The following GNG4 variants were observed in gnomAD, a reference collection of about 807,000 sequenced individuals.
GNG4 encodes G protein subunit gamma 4.
Under a neutral mutation model 5.8 loss-of-function variants are expected in GNG4, and 4 were observed. The ratio of observed to expected loss-of-function variants is 0.69; its 90% CI spans 0.34 to 1.57. The LOEUF (loss-of-function observed/expected upper bound fraction) is 1.57, where lower values mean the gene tolerates loss of function less well. GNG4 is among the 40% of genes most tolerant of loss of function. The pLI, the probability that GNG4 is intolerant of heterozygous loss-of-function variation, is 0.06. For missense variants in GNG4, 96 were observed against 95.1 expected (o/e 1.01, Z -0.04); for synonymous variants, 29 against 32.9 (o/e 0.88, Z 0.41).
chr1:235,551,973 A>T lies in GNG4; in HGVS notation c.*136T>A, dbSNP rs753738752. On this transcript the variant is annotated 3_prime_UTR_variant, in exon 4 of 4. Transcript: ENST00000391854. ...GAATGCCACGAAGAAAACAGATGGA[A>T]ACATAAGACAAGCCCCGGCCACTGT... The T allele has an allele frequency of 1.6e-6, 1 of 633,146 alleles. No homozygotes were observed. The highest frequency in any genetic ancestry group is 2.8e-6 in the Non-Finnish European group (1 of 361,792). The allele number at this position is 633,146 out of a possible 1,614,324, so 39.2% of individuals were successfully genotyped here.
At chr1:235,650,250 G>A (rs1235860322), upstream of GNG4, among the ~76,000 whole-genome samples, 2 of 20,960 alleles carry the variant, frequency 9.5e-5, 1 homozygote, top group South Asian at 2.6e-3. Flanking sequence ...GGGGCCGGGG[G>A]GTAAATCACT....
chr1:235,559,663 T>A (rs1348261765), intron 3 of GNG4, among the ~76,000 whole-genome samples: 1 of 152,184 alleles, frequency 6.6e-6, no homozygotes, highest in Non-Finnish European at 1.5e-5. Flanking sequence ...TGGGTTAGGT[T>A]ATACCTGAAG....
At chr1:235,596,714 A>G (rs979825789) in intron 1 of GNG4, among the ~76,000 whole-genome samples, 4 of 151,994 alleles carry the variant, frequency 2.6e-5, no homozygotes, top group Non-Finnish European at 5.9e-5. Flanking sequence ...AGACGACTCG[A>G]AAGCTCTTTT....
At chr1:235,595,097 G>C (rs1688093596) in intron 2 of GNG4, among the ~76,000 whole-genome samples, 1 of 152,188 alleles carries the variant, frequency 6.6e-6, no homozygotes, top group Non-Finnish European at 1.5e-5. Context: ...CGGTTCCCCA[G>C]CCAAGGCCCA....
At chr1:235,560,931 CATG>C (rs1379294071) in intron 3 of GNG4, among the ~76,000 whole-genome samples, 2 of 152,164 alleles carry the variant, frequency 1.3e-5, no homozygotes, top group East Asian at 3.8e-4. Flanking sequence ...TCTCTAGTGA[CATG>C]ATGTTGAACA....
intron 3 of GNG4, among the ~76,000 whole-genome samples, chr1:235,575,616 C>T (rs1687464868): frequency 6.6e-6 from 1 of 152,234 alleles, no homozygotes; most frequent in Non-Finnish European, 1.5e-5. Flanking sequence ...GAAATTATCT[C>T]CCAGGACAAA....
At chr1:235,629,177 C>A (rs1353017997) in intron 1 of GNG4, among the ~76,000 whole-genome samples, 1 of 150,896 alleles carries the variant, frequency 6.6e-6, no homozygotes. Flanking sequence ...GCCACCATGC[C>A]CCGCCAATTA....
At chr1:235,554,457 G>C (rs187592149) in intron 3 of GNG4, among the ~76,000 whole-genome samples, 438 of 152,290 alleles carry the variant, frequency 2.9e-3, no homozygotes, top group African/African-American at 1.0e-2. Context: ...TGCAGTGTTG[G>C]AACAACCACA....
rs112649166 is a variant in GNG4, at chr1:235,550,594, T to G, written c.*1515A>C. 1,410 of 152,206 alleles carry G rather than the reference T, an allele frequency of 9.3e-3. 19 individuals are homozygous for G. The highest frequency in any genetic ancestry group is 0.032 in the African/African-American group (1,318 of 41,506). The allele number at this position is 152,206 out of a possible 1,614,324, so 9.4% of individuals were successfully genotyped here. A position where few individuals can be genotyped will look rare whatever the true frequency, so the allele number is the denominator to read the frequency against. ...AGGTGGGCAGATCACTCGAGGCCAG[T>G]AGTTGGAGACCAGCCTGGCCGACAT... is the stretch of plus-strand genomic sequence containing the variant. On this transcript the variant is annotated 3_prime_UTR_variant, in exon 4 of 4. Transcript: ENST00000391854.
At chr1:235,639,391 C>T (rs1012939835) in intron 1 of GNG4, among the ~76,000 whole-genome samples, 3 of 152,238 alleles carry the variant, frequency 2.0e-5, no homozygotes, top group Non-Finnish European at 4.4e-5. Flanking sequence ...AAACAGAGCC[C>T]CCAGCCTGGA....
chr1:235,555,511 C>G (rs1330990595), intron 3 of GNG4, among the ~76,000 whole-genome samples: 1 of 151,986 alleles, frequency 6.6e-6, no homozygotes, highest in Admixed American at 6.6e-5. Context: ...TAACAAGACT[C>G]TACCATAAAA....
chr1:235,650,133 C>G (rs1435967586), upstream of GNG4: 1 of 150,692 alleles, frequency 6.6e-6, no homozygotes, highest in Admixed American at 6.6e-5. Context: ...CCGCGCCCCC[C>G]GCCCGCTACT....
intron 2 of GNG4, among the ~76,000 whole-genome samples, chr1:235,585,904 T>TA (rs1687748154): frequency 6.6e-6 from 1 of 152,254 alleles, no homozygotes; most frequent in Non-Finnish European, 1.5e-5. Context: ...CATTTAATGC[T>TA]ACCTTCATCT....
chr1:235,593,477 G>A (rs1013787780), intron 2 of GNG4, among the ~76,000 whole-genome samples: 3 of 152,242 alleles, frequency 2.0e-5, no homozygotes, highest in Non-Finnish European at 4.4e-5. Context: ...TCTGTAGGCA[G>A]AATACTACAG....
chr1:235,565,187 G>A (rs1480648211), intron 3 of GNG4, among the ~76,000 whole-genome samples: 1 of 152,126 alleles, frequency 6.6e-6, no homozygotes, highest in African/African-American at 2.4e-5. Flanking sequence ...TCGTCTCTGA[G>A]CAAGTCAGAG....
chr1:235,556,317 T>C (rs920050607), intron 3 of GNG4, among the ~76,000 whole-genome samples: 4 of 151,206 alleles, frequency 2.6e-5, no homozygotes, highest in Non-Finnish European at 5.9e-5. Context: ...CCCAGCACTT[T>C]GGGGGGCCGA....
intron 2 of GNG4, among the ~76,000 whole-genome samples, chr1:235,585,117 C>T (rs2102943024): frequency 6.6e-6 from 1 of 151,618 alleles, no homozygotes; most frequent in South Asian, 2.1e-4. Context: ...TCCTTCCTTC[C>T]CTCCCTCCTT....
At chr1:235,619,631 C>A (rs1688667470) in intron 1 of GNG4, among the ~76,000 whole-genome samples, 1 of 152,138 alleles carries the variant, frequency 6.6e-6, no homozygotes, top group Admixed American at 6.5e-5. Context: ...GGATTATGGT[C>A]CAGGTTAACC....
rs1476579772 is a variant in GNG4, at chr1:235,595,514, G to T, written c.-122-3C>A. 6.6e-6 allele frequency: 1 copy of T among 152,264 alleles called. No individual in the cohort carries two copies. The highest frequency in any genetic ancestry group is 6.5e-5 in the Admixed American group (1 of 15,288). 9.4% of individuals were successfully genotyped at this position (152,264 alleles called of 1,614,324 possible). ...CAGAGCTTCTGCTTTGAGGTCACCT[G>T]AAAGCACAACCAGAGACATGTCTAG... On this transcript the variant is annotated splice_region_variant and splice_polypyrimidine_tract_variant and intron_variant, in intron 1 of 3. Coordinates refer to ENST00000391854, the MANE Select transcript of GNG4 (RefSeq NM_001098722.2).
Sources: allele counts gnomAD v4.1 joint callset (sites outside exome capture counted in the v4.1 genomes callset), GRCh38; gene constraint gnomAD v4.1.1; transcripts MANE v1.5; gene names NCBI Gene and HGNC (gene_info 2026-07-23, HGNC 2026-07-21).